NAALADL2: variants seen among roughly 807,000 people sequenced by gnomAD.
NAALADL2 encodes inactive N-acetylated-alpha-linked acidic dipeptidase-like protein 2.
Under a neutral mutation model 87.2 loss-of-function variants are expected in NAALADL2, and 76 were observed. That is an observed-to-expected ratio of 0.87 (90% CI 0.72 to 1.05). The LOEUF is 1.05. Among genes scored for constraint, NAALADL2 ranks in the 50% least tolerant of loss-of-function variants. The probability of loss-of-function intolerance (pLI) is 0.00; values close to 1 mark genes in which losing one functional copy is unlikely to be tolerated. For synonymous variants in NAALADL2, 354 were observed against 331.0 expected (o/e 1.07, Z -0.75); for missense variants, 1,089 against 945.8 (o/e 1.15, Z -1.99).
intron 9 of NAALADL2, among the ~76,000 whole-genome samples, chr3:175,545,853 C>A (rs1384700338): frequency 6.6e-6 from 1 of 152,078 alleles, no homozygotes; most frequent in African/African-American, 2.4e-5. Context: ...TTTTGCATTT[C>A]CATTCCATAT....
chr3:175,621,565 G>T (rs890959668), intron 10 of NAALADL2, among the ~76,000 whole-genome samples: 27 of 152,062 alleles, frequency 1.8e-4, no homozygotes, highest in African/African-American at 5.1e-4. Context: ...AAATACGGTT[G>T]GCCCTACATT....
At chr3:175,366,871 C>T (rs1330999476) in intron 5 of NAALADL2, among the ~76,000 whole-genome samples, 1 of 151,772 alleles carries the variant, frequency 6.6e-6, no homozygotes, top group Non-Finnish European at 1.5e-5. Context: ...TAATTAGATC[C>T]CATTTGTCAA....
chr3:174,486,363 C>G (rs890621268), intron 1 of NAALADL2, among the ~76,000 whole-genome samples: 1 of 152,020 alleles, frequency 6.6e-6, no homozygotes, highest in African/African-American at 2.4e-5. Flanking sequence ...ACTGTGAGAC[C>G]CTGATAGAGC....
intron 13 of NAALADL2, among the ~76,000 whole-genome samples, chr3:175,797,154 A>G (rs1753598472): frequency 6.6e-6 from 1 of 152,128 alleles, no homozygotes; most frequent in Non-Finnish European, 1.5e-5. Flanking sequence ...AGTGTCATCA[A>G]TAATATATTA....
At chr3:175,754,883 C>T (rs1246440545) in intron 12 of NAALADL2, among the ~76,000 whole-genome samples, 1 of 152,092 alleles carries the variant, frequency 6.6e-6, no homozygotes, top group Non-Finnish European at 1.5e-5. Context: ...GGTACAGTAC[C>T]TATTTACTGT....
intron 2 of NAALADL2, among the ~76,000 whole-genome samples, chr3:174,623,913 A>G (rs1721295104): frequency 1.3e-5 from 2 of 150,750 alleles, no homozygotes; most frequent in African/African-American, 2.4e-5. Context: ...CAATCCATCC[A>G]AAGTTACTTG....
At chr3:175,067,873 A>T (rs997531108) in intron 1 of NAALADL2, among the ~76,000 whole-genome samples, 2 of 152,176 alleles carry the variant, frequency 1.3e-5, no homozygotes, top group Non-Finnish European at 2.9e-5. Context: ...GATAAAGAAA[A>T]TGTGGTATAT....
intron 2 of NAALADL2, among the ~76,000 whole-genome samples, chr3:174,727,210 AT>A (rs1732281696): frequency 6.7e-6 from 1 of 149,408 alleles, no homozygotes; most frequent in African/African-American, 2.5e-5. Flanking sequence ...TTTTTTCAAT[AT>A]TTTGACTATA....
In NAALADL2 at chr3:175,481,844, C is replaced by T. The variant is rs572104895; in HGVS notation, c.1653+10086C>T. Among the ~76,000 whole-genome samples the T allele has an allele frequency of 5.7e-4, 86 of 151,972 alleles. No homozygotes were observed. In the Middle Eastern group the frequency reaches 0.01, roughly 18 times the overall value. On this transcript the variant is annotated intron_variant, in intron 9 of 13. Transcript: ENST00000454872. ...CTTGCAAAAGAATCTAGACACAGAA[C>T]TATATATTATACAATTACATTTATG...
chr3:174,886,272 G>A (rs986697545), intron 1 of NAALADL2, among the ~76,000 whole-genome samples: 1 of 152,060 alleles, frequency 6.6e-6, no homozygotes, highest in African/African-American at 2.4e-5. Flanking sequence ...GAAGCATCCA[G>A]CACAGGAGAA....
chr3:174,857,349 C>T (rs1218750529), upstream of NAALADL2, among the ~76,000 whole-genome samples: 2 of 152,110 alleles, frequency 1.3e-5, no homozygotes, highest in Non-Finnish European at 2.9e-5. Flanking sequence ...TTTCTGTGAA[C>T]TTACGAACTT....
intron 5 of NAALADL2, among the ~76,000 whole-genome samples, chr3:175,412,261 G>T (rs539786418): frequency 2.0e-5 from 3 of 152,274 alleles, no homozygotes; most frequent in Admixed American, 2.0e-4. Flanking sequence ...TTATGTATGT[G>T]CACGTGCACG....
intron 4 of NAALADL2, chr3:175,271,222 A>G (rs1319024429): frequency 6.6e-6 from 1 of 152,208 alleles, no homozygotes. Flanking sequence ...AAGATATACA[A>G]AAGTGGAAAA....
At chr3:175,769,353 A>C (rs1313554601) in intron 13 of NAALADL2, among the ~76,000 whole-genome samples, 1 of 152,210 alleles carries the variant, frequency 6.6e-6, no homozygotes, top group Admixed American at 6.5e-5. Flanking sequence ...CAAACTTTAC[A>C]ATTGTCTTGA....
At chr3:174,698,187 T>C (rs1729209285) in intron 2 of NAALADL2, among the ~76,000 whole-genome samples, 2 of 152,148 alleles carry the variant, frequency 1.3e-5, no homozygotes, top group Admixed American at 6.5e-5. Flanking sequence ...ATCATTAATA[T>C]TGAGTTTAAT....
At chr3:174,858,051 TCA>T (rs1197673896), upstream of NAALADL2, among the ~76,000 whole-genome samples, 5 of 150,736 alleles carry the variant, frequency 3.3e-5, no homozygotes, top group African/African-American at 1.2e-4. Flanking sequence ...AGCTTGAGCT[TCA>T]TATACATATA....
intron 1 of NAALADL2, among the ~76,000 whole-genome samples, chr3:175,027,217 G>A (rs531459873): frequency 6.6e-6 from 1 of 152,138 alleles, no homozygotes; most frequent in South Asian, 2.1e-4. Context: ...GATCATAGCA[G>A]GTGCAGATAT....
Position 174,945,464 on chromosome 3 carries a change from A to G in NAALADL2, c.43+86014A>G, listed in dbSNP as rs139359226. ...ATTCTAATCTTGAATCCCTGGGGCAAAAATTTGACAGCAAAATGAGTTATA... is the reference window on the plus strand; with the variant it reads ...ATTCTAATCTTGAATCCCTGGGGCAGAAATTTGACAGCAAAATGAGTTATA... On this transcript the variant is annotated intron_variant, in intron 1 of 13. Transcript: ENST00000454872. Among the ~76,000 whole-genome samples the G allele has an allele frequency of 8.3e-4, 126 of 152,298 alleles. 1 individual carries two copies. Among genetic ancestry groups the G allele is most frequent in the African/African-American group, 2.8e-3 (118 of 41,570 alleles).
At chr3:174,932,076 T>C (rs1200740769) in intron 1 of NAALADL2, among the ~76,000 whole-genome samples, 1 of 152,224 alleles carries the variant, frequency 6.6e-6, no homozygotes, top group Non-Finnish European at 1.5e-5. Flanking sequence ...TCAAGATTTA[T>C]TGGACACTCT....
Sources: allele counts gnomAD v4.1 joint callset (sites outside exome capture counted in the v4.1 genomes callset), GRCh38; gene constraint gnomAD v4.1.1; transcripts MANE v1.5; gene names NCBI Gene and HGNC (gene_info 2026-07-23, HGNC 2026-07-21).